Variants in PTPRD observed in about 807,000 individuals in gnomAD.
The protein encoded by PTPRD is protein tyrosine phosphatase receptor type D.
A neutral mutation model predicts 214.5 loss-of-function variants in PTPRD; 34 were observed. The ratio of observed to expected loss-of-function variants is 0.16; its 90% CI spans 0.12 to 0.21. The LOEUF is 0.21. Ranked by LOEUF, PTPRD falls within the 10% of genes least tolerant of loss-of-function variation. The pLI is 1.00. For missense variants in PTPRD, 2,545 were observed against 2,398.7 expected (o/e 1.06, Z -1.27); for synonymous variants, 1,128 against 845.7 (o/e 1.33, Z -5.79).
intron 11 of PTPRD, among the ~76,000 whole-genome samples, chr9:8,902,139 A>C (rs2098674236): frequency 1.3e-5 from 2 of 152,096 alleles, no homozygotes; most frequent in African/African-American, 4.8e-5. Context: ...ACATAATATT[A>C]ATCTCATTTA....
intron 11 of PTPRD, among the ~76,000 whole-genome samples, chr9:8,745,143 A>T (rs2092647235): frequency 6.6e-6 from 1 of 152,210 alleles, no homozygotes. Context: ...GAAGAAAAAA[A>T]TAACATCATT....
At position 8,632,742 on chromosome 9, in the gene PTPRD, T is replaced by C. The variant is rs180749570; in HGVS notation, c.352+575A>G. On this transcript the variant is annotated intron_variant, in intron 14 of 45. Coordinates refer to ENST00000381196, the MANE Select transcript of PTPRD (RefSeq NM_002839.4). ...TGTCAAATTGTGTAAGCAACATTGT[T>C]GGAGACAAAGAAAGGGATTTGTCAG... Among the ~76,000 whole-genome samples the C allele has an allele frequency of 1.4e-3, 209 of 152,116 alleles. 2 individuals are homozygous for C. Among genetic ancestry groups the C allele is most frequent in the Admixed American group, 6.6e-3 (101 of 15,252 alleles).
chr9:9,657,212 A>G, intron 7 of PTPRD, among the ~76,000 whole-genome samples: 2 of 152,316 alleles, frequency 1.3e-5, no homozygotes, highest in South Asian at 4.1e-4. Flanking sequence ...TATAAATTTT[A>G]TAGTAAAAAA....
intron 3 of PTPRD, among the ~76,000 whole-genome samples, chr9:10,336,871 A>G (rs1215868631): frequency 1.3e-5 from 2 of 151,720 alleles, no homozygotes; most frequent in Non-Finnish European, 3.0e-5. Flanking sequence ...AGTTGGATTT[A>G]GGGACTAAAG....
chr9:10,427,765 G>T (rs1474241262), intron 2 of PTPRD, among the ~76,000 whole-genome samples: 1 of 151,920 alleles, frequency 6.6e-6, no homozygotes, highest in Non-Finnish European at 1.5e-5. Flanking sequence ...AACCCACTGG[G>T]GTGGAAAATG....
chr9:9,978,730 G>T (rs1307508074), intron 4 of PTPRD, among the ~76,000 whole-genome samples: 1 of 146,736 alleles, frequency 6.8e-6, no homozygotes, highest in Non-Finnish European at 1.5e-5. Flanking sequence ...GCACACTATA[G>T]ATCCAAGAAG....
At chr9:10,526,218 G>C (rs548343353) in intron 2 of PTPRD, among the ~76,000 whole-genome samples, 56 of 152,224 alleles carry the variant, frequency 3.7e-4, no homozygotes, top group East Asian at 1.2e-3. Context: ...ATTTCATTCA[G>C]ATGAAGTTCT....
chr9:10,162,727 A>G (rs1439700880), intron 3 of PTPRD, among the ~76,000 whole-genome samples: 4 of 145,530 alleles, frequency 2.7e-5, no homozygotes, highest in Non-Finnish European at 6.1e-5. Flanking sequence ...ATACATATAC[A>G]TGTACATATA....
intron 8 of PTPRD, among the ~76,000 whole-genome samples, chr9:9,444,793 A>G (rs963532991): frequency 4.6e-5 from 7 of 152,152 alleles, no homozygotes; most frequent in Non-Finnish European, 8.8e-5. Flanking sequence ...TTAATTTTTG[A>G]TAGCTGCAAA....
intron 9 of PTPRD, among the ~76,000 whole-genome samples, chr9:9,265,092 G>A (rs1234301464): frequency 6.6e-6 from 1 of 151,648 alleles, no homozygotes; most frequent in African/African-American, 2.4e-5. Context: ...GAAAACATAT[G>A]CAAGTTAACT....
intron 8 of PTPRD, among the ~76,000 whole-genome samples, chr9:9,437,794 G>T (rs1393427840): frequency 6.6e-6 from 1 of 152,112 alleles, no homozygotes; most frequent in Non-Finnish European, 1.5e-5. Context: ...AACCCGAGGG[G>T]ATATGCTGAT....
chr9:10,417,326 A>T (rs1379167570), intron 2 of PTPRD, among the ~76,000 whole-genome samples: 1 of 151,922 alleles, frequency 6.6e-6, no homozygotes, highest in Non-Finnish European at 1.5e-5. Context: ...TAGAGATTTT[A>T]AGAATGCCTT....
chr9:10,480,329 A>C (rs1232858914), intron 2 of PTPRD, among the ~76,000 whole-genome samples: 1 of 152,182 alleles, frequency 6.6e-6, no homozygotes, highest in Non-Finnish European at 1.5e-5. Context: ...TGAGCAGAGA[A>C]TAAAGACCAT....
At chr9:9,153,023 A>G (rs771196035) in intron 10 of PTPRD, among the ~76,000 whole-genome samples, 4 of 152,078 alleles carry the variant, frequency 2.6e-5, no homozygotes, top group African/African-American at 4.8e-5. Flanking sequence ...TCTCACCACT[A>G]TGTGCTGCTT....
At chr9:8,715,691 T>G (rs1312341342) in intron 12 of PTPRD, among the ~76,000 whole-genome samples, 1 of 152,196 alleles carries the variant, frequency 6.6e-6, no homozygotes, top group Non-Finnish European at 1.5e-5. Context: ...TCAGGGCCTC[T>G]TAACAGAGAA....
At chr9:10,568,405 T>C (rs972489185) in intron 2 of PTPRD, among the ~76,000 whole-genome samples, 1 of 152,056 alleles carries the variant, frequency 6.6e-6, no homozygotes, top group Non-Finnish European at 1.5e-5. Context: ...TTTGCTATTG[T>C]GAATAGTGCC....
At chr9:10,397,950 A>G (rs2098202423) in intron 2 of PTPRD, among the ~76,000 whole-genome samples, 1 of 151,944 alleles carries the variant, frequency 6.6e-6, no homozygotes, top group African/African-American at 2.4e-5. Context: ...GTGACACATG[A>G]CTGATATTAA....
chr9:10,043,069 T>C (rs771459137), intron 3 of PTPRD, among the ~76,000 whole-genome samples: 3 of 151,916 alleles, frequency 2.0e-5, no homozygotes, highest in Non-Finnish European at 4.4e-5. Flanking sequence ...AAATTTCTCA[T>C]CTACACAAAC....
chr9:9,534,483 G>T (rs991896891), intron 8 of PTPRD, among the ~76,000 whole-genome samples: 1 of 151,850 alleles, frequency 6.6e-6, no homozygotes, highest in African/African-American at 2.4e-5. Flanking sequence ...TTGACAAAGG[G>T]GATGACAGTT....
Sources: gnomAD v4.1 joint callset for allele counts (sites outside exome capture counted in the v4.1 genomes callset) on GRCh38, gnomAD v4.1.1 for gene constraint, MANE v1.5 for transcripts, NCBI Gene and HGNC (gene_info 2026-07-23, HGNC 2026-07-21) for gene names.